Variants in AZIN1 observed in about 807,000 individuals in gnomAD.
AZIN1 encodes antizyme inhibitor 1.
Under a neutral mutation model 47.4 loss-of-function variants are expected in AZIN1, and 12 were observed. The ratio of observed to expected loss-of-function variants is 0.25; its 90% CI spans 0.16 to 0.41. AZIN1 has a LOEUF of 0.41. AZIN1 is among the 10% of genes least tolerant of loss of function. AZIN1 has a pLI of 1.00. For missense variants in AZIN1, 410 were observed against 532.4 expected (o/e 0.77, Z 2.26); for synonymous variants, 155 against 176.3 (o/e 0.88, Z 0.96).
Position 102,844,344 on chromosome 8 carries a change from TAA to T in AZIN1, c.-95-599_-95-598del, listed in dbSNP as rs34491786. Among the ~76,000 whole-genome samples, 636 of 144,192 alleles carry T rather than the reference TAA, an allele frequency of 4.4e-3. 2 individuals are homozygous for T. Among genetic ancestry groups the T allele is most frequent in the Non-Finnish European group, 5.1e-3 (334 of 65,358 alleles). The allele number at this position is 144,192 out of a possible 152,430, so 94.6% of individuals were successfully genotyped here. ...CAACATAGCAAGACTCCGTCTCTCC[TAA>T]AAAAAAAAAAAAAATTCCCAAATAG... On this transcript the variant is annotated intron_variant, in intron 2 of 11. Transcript: ENST00000337198.
chr8:102,835,004 T>G lies in AZIN1; in HGVS notation c.585-257A>C, dbSNP rs1433291382. 3.2e-5 allele frequency: 12 copies of G among 375,774 alleles called. No individual in the cohort carries two copies. In the South Asian group the frequency reaches 4.8e-4, roughly 15 times the overall value. The allele number at this position is 375,774 out of a possible 1,614,324, so 23.3% of individuals were successfully genotyped here. A position where few individuals can be genotyped will look rare whatever the true frequency, so the allele number is the denominator to read the frequency against. ...AACAATAAGTCAATTATCAGTACTG[T>G]TCCACGGTTATACAATAAGGTGTGC... On this transcript the variant is annotated intron_variant, in intron 6 of 11. Coordinates refer to ENST00000337198, the MANE Select transcript of AZIN1 (RefSeq NM_148174.4).
chr8:102,833,210 A>C lies in AZIN1; in HGVS notation c.750T>G (p.His250Gln). 1 of 1,611,782 alleles carries C rather than the reference A, an allele frequency of 6.2e-7. No individual in the cohort carries two copies. ...AGATATCCAACAGAGGGCTGATAAC[A>C]TGATTAACCTATGGATTTTAAATGC... ...GTEFQLEEVN[H>Q]VISPLLDIYF... Residue 250 changes from histidine (H) to glutamine (Q), a missense_variant, in exon 9 of 12, where the codon CAT becomes CAG. Transcript: ENST00000337198.
In AZIN1 at chr8:102,834,779, G is replaced by C. The variant is rs149083461; in HGVS notation, c.585-32C>G. 1.3e-4 allele frequency: 196 copies of C among 1,501,524 alleles called. No individual in the cohort carries two copies. In the African/African-American group the frequency reaches 2.5e-3, roughly 19 times the overall value. 93.0% of individuals were successfully genotyped at this position (1,501,524 alleles called of 1,614,324 possible). On this transcript the variant is annotated intron_variant, in intron 6 of 11. Transcript: ENST00000337198. Reference sequence around the variant, plus strand: ...CACATAGAATACTAAATTTAAAGGAGCAGAAAGTTGTAGAGACACCTCCTG... The same window carrying C: ...CACATAGAATACTAAATTTAAAGGACCAGAAAGTTGTAGAGACACCTCCTG...
intron 3 of AZIN1, among the ~76,000 whole-genome samples, chr8:102,842,118 A>G (rs1812236123): frequency 7.1e-6 from 1 of 141,436 alleles, no homozygotes; most frequent in African/African-American, 2.6e-5. Flanking sequence ...TCTCAAAGAG[A>G]AAAAAAAAAA....
At chr8:102,857,386 C>A (rs1425405813) in intron 2 of AZIN1, among the ~76,000 whole-genome samples, 3 of 151,770 alleles carry the variant, frequency 2.0e-5, no homozygotes, top group Admixed American at 1.3e-4. Flanking sequence ...AGTCTATATA[C>A]CACAAAATTT....
intron 1 of AZIN1, among the ~76,000 whole-genome samples, chr8:102,861,686 T>C (rs1279289448): frequency 1.3e-5 from 2 of 152,052 alleles, no homozygotes; most frequent in Non-Finnish European, 2.9e-5. Flanking sequence ...GAATGCATAC[T>C]GTATGATTCC....
At position 102,834,237 on chromosome 8, in the gene AZIN1, C is replaced by A; in HGVS notation, c.693G>T (p.Met231Ile). ...MAGEIGFTMN[M>I]LDIGGGFTGT... Reference sequence around the variant, plus strand: ...CCGTGAATCCTCCACCAATGTCTAACATGTTCATCGTAAAGCCAATTTCTC... The same window carrying A: ...CCGTGAATCCTCCACCAATGTCTAAAATGTTCATCGTAAAGCCAATTTCTC... The change falls in exon 8 of 12, where the codon ATG becomes ATT. Residue 231 changes from methionine to isoleucine, a missense_variant. Around this residue, in one of 3 missense-constraint regions of AZIN1, gnomAD observed 237 missense variants for 309.4 expected, o/e 0.77. Coordinates refer to ENST00000337198, the MANE Select transcript of AZIN1 (RefSeq NM_148174.4). The A allele has an allele frequency of 6.2e-7, 1 of 1,612,360 alleles. No individual in the cohort carries two copies. The highest frequency in any genetic ancestry group is 8.5e-7 in the Non-Finnish European group (1 of 1,179,750).
chr8:102,844,322 C>T (rs1812417120), intron 2 of AZIN1, among the ~76,000 whole-genome samples: 2 of 148,304 alleles, frequency 1.3e-5, no homozygotes, highest in African/African-American at 2.5e-5. Flanking sequence ...GCCTGGACAA[C>T]ATAGCAAGAC....
intron 6 of AZIN1, chr8:102,835,232 TAA>T (rs1451524086): frequency 1.3e-5 from 2 of 154,042 alleles, no homozygotes; most frequent in South Asian, 2.0e-4. Context: ...TTACTAGTGA[TAA>T]AGTTTCAGAA....
chr8:102,839,131 A>G (rs935581570), intron 4 of AZIN1, among the ~76,000 whole-genome samples: 33 of 152,210 alleles, frequency 2.2e-4, no homozygotes, highest in African/African-American at 6.3e-4. Context: ...AAGTGCTACG[A>G]GTACAGGTAT....
chr8:102,834,688 G>A lies in AZIN1; in HGVS notation c.644C>T (p.Ala215Val), dbSNP rs771858692. The A allele has an allele frequency of 6.2e-7, 1 of 1,610,250 alleles. No individual in the cohort carries two copies. Among genetic ancestry groups the A allele is most frequent in the South Asian group, 1.1e-5 (1 of 90,522 alleles). ...TACAGCCATGTCAAACACACATCGA[G>A]CATCAGATAGAGCATGTACATATAC... ...SQVYVHALSD[A>V]RCVFDMAGEI... Residue 215 changes from alanine (A) to valine (V), a missense_variant, in exon 7 of 12, where the codon GCT becomes GTT. Ala to Val is a moderately conservative substitution (Grantham distance 64). Coordinates refer to ENST00000337198, the MANE Select transcript of AZIN1 (RefSeq NM_148174.4).
At chr8:102,841,310 A>G (rs1812163902) in intron 3 of AZIN1, among the ~76,000 whole-genome samples, 1 of 152,226 alleles carries the variant, frequency 6.6e-6, no homozygotes, top group Non-Finnish European at 1.5e-5. Context: ...TAGAGAACAC[A>G]GAAGTGTCAC....
intron 8 of AZIN1, among the ~76,000 whole-genome samples, 180 bp from the exon 9 acceptor site, chr8:102,833,398 T>A (rs1395248961): frequency 1.3e-5 from 2 of 152,242 alleles, no homozygotes; most frequent in African/African-American, 4.8e-5. Context: ...CAAGTCAGTT[T>A]ATTTTGTAAC....
chr8:102,857,351 C>CA (rs1011652804), intron 2 of AZIN1, among the ~76,000 whole-genome samples: 2 of 151,988 alleles, frequency 1.3e-5, no homozygotes, highest in Admixed American at 6.6e-5. Context: ...ATTTTAATAA[C>CA]AAAATCTGAA....
chr8:102,828,872 T>C (rs1811261888), intron 11 of AZIN1, among the ~76,000 whole-genome samples, 194 bp from the exon 12 acceptor site: 1 of 152,228 alleles, frequency 6.6e-6, no homozygotes. Context: ...TGGTATACCG[T>C]AAAATTACAG....
intron 2 of AZIN1, among the ~76,000 whole-genome samples, chr8:102,851,076 CTA>C (rs1490590401): frequency 6.6e-6 from 1 of 152,152 alleles, no homozygotes; most frequent in Non-Finnish European, 1.5e-5. Flanking sequence ...AATGTGAAGA[CTA>C]AATTTTTTTT....
intron 2 of AZIN1, among the ~76,000 whole-genome samples, chr8:102,852,948 C>T (rs1479025891): frequency 1.3e-5 from 2 of 152,164 alleles, no homozygotes; most frequent in Non-Finnish European, 2.9e-5. Context: ...CAGTTTAGAA[C>T]AGTAGCCTGC....
intron 2 of AZIN1, among the ~76,000 whole-genome samples, chr8:102,848,323 CAAAAAAAAAAA>C (rs60663839): frequency 0.011 from 1,052 of 91,614 alleles, 24 homozygotes; most frequent in African/African-American, 0.039. Flanking sequence ...ACTAAAAGGC[CAAAAAAAAAAA>C]AAAAAAAAAA....
intron 9 of AZIN1, among the ~76,000 whole-genome samples, chr8:102,831,068 C>A (rs1416352160): frequency 6.6e-6 from 1 of 152,106 alleles, no homozygotes; most frequent in East Asian, 1.9e-4. Flanking sequence ...GAAAACAAAC[C>A]AAGGCTCCCT....
Sources: allele counts gnomAD v4.1 joint callset (sites outside exome capture counted in the v4.1 genomes callset), GRCh38; gene constraint gnomAD v4.1.1; regional missense constraint gnomAD v4.1.1; transcripts MANE v1.5; gene names NCBI Gene and HGNC (gene_info 2026-07-23, HGNC 2026-07-21).